The following CSMD1 variants were observed in gnomAD, a reference collection of about 807,000 sequenced individuals.
CSMD1 encodes CUB and Sushi multiple domains 1.
A neutral mutation model predicts 417.5 loss-of-function variants in CSMD1; 213 were observed. The ratio of observed to expected loss-of-function variants is 0.51; its 90% CI spans 0.46 to 0.57. The LOEUF (loss-of-function observed/expected upper bound fraction) is 0.57. Among genes scored for constraint, CSMD1 ranks in the 20% least tolerant of loss-of-function variants. The probability of loss-of-function intolerance (pLI) is 0.00; values close to 1 mark genes in which losing one functional copy is unlikely to be tolerated. For synonymous variants in CSMD1, 2,862 were observed against 1,736.8 expected, an observed-to-expected ratio of 1.65 and a Z score of -16.11; for missense variants, 6,923 against 4,529.7, an observed-to-expected ratio of 1.53 and a Z score of -15.17.
chr8:4,145,731 C>T (rs1804072211), intron 3 of CSMD1, among the ~76,000 whole-genome samples: 1 of 150,904 alleles, frequency 6.6e-6, no homozygotes, highest in Non-Finnish European at 1.5e-5. Flanking sequence ...TTGACTTGTC[C>T]CAAGGAACCA....
intron 1 of CSMD1, among the ~76,000 whole-genome samples, chr8:4,938,191 GTTGAC>G (rs1250475980): frequency 6.6e-6 from 1 of 152,144 alleles, no homozygotes; most frequent in East Asian, 1.9e-4. Flanking sequence ...AGTCAGAACT[GTTGAC>G]TTTGAGCTAC....
At chr8:4,960,800 A>G (rs532852981) in intron 1 of CSMD1, among the ~76,000 whole-genome samples, 1 of 152,326 alleles carries the variant, frequency 6.6e-6, no homozygotes, top group Non-Finnish European at 1.5e-5. Context: ...ATCATCTGTT[A>G]TAAAATGGTA....
chr8:3,604,324 A>C (rs1801502045), intron 8 of CSMD1, among the ~76,000 whole-genome samples: 1 of 152,208 alleles, frequency 6.6e-6, no homozygotes. Flanking sequence ...GGTCCATTTC[A>C]GATTGTGTGG....
intron 5 of CSMD1, among the ~76,000 whole-genome samples, chr8:3,981,515 A>AAAAAAAAAAAAC (rs1813866165): frequency 6.7e-6 from 1 of 148,412 alleles, no homozygotes; most frequent in Non-Finnish European, 1.5e-5. Context: ...AAAAAAAAAA[A>AAAAAAAAAAAAC]AAAAAAAAAA....
At chr8:4,460,615 A>G (rs1749122773) in intron 2 of CSMD1, among the ~76,000 whole-genome samples, 1 of 152,170 alleles carries the variant, frequency 6.6e-6, no homozygotes, top group African/African-American at 2.4e-5. Flanking sequence ...ATGGGGGAAA[A>G]AAAGGTAGAG....
At chr8:4,786,961 A>G (rs1797431354) in intron 1 of CSMD1, among the ~76,000 whole-genome samples, 1 of 152,216 alleles carries the variant, frequency 6.6e-6, no homozygotes, top group Admixed American at 6.5e-5. Flanking sequence ...TTTTTAAGGC[A>G]ATATTGTTGG....
chr8:4,056,619 T>G (rs1333251103), intron 3 of CSMD1, among the ~76,000 whole-genome samples: 1 of 152,058 alleles, frequency 6.6e-6, no homozygotes, highest in Non-Finnish European at 1.5e-5. Context: ...TGTGCCATGC[T>G]GGGGTCCTGC....
intron 26 of CSMD1, among the ~76,000 whole-genome samples, chr8:3,258,345 C>T (rs1432636020): frequency 6.6e-6 from 1 of 152,100 alleles, no homozygotes; most frequent in Non-Finnish European, 1.5e-5. Context: ...TGGAAAAAAG[C>T]TCACCATCAC....
At chr8:3,656,126 C>G (rs1798090661) in intron 7 of CSMD1, among the ~76,000 whole-genome samples, 1 of 152,266 alleles carries the variant, frequency 6.6e-6, no homozygotes, top group Non-Finnish European at 1.5e-5. Flanking sequence ...GCGCAGTGAA[C>G]TCATTGGGGC....
chr8:3,556,372 T>G (rs1294564021), intron 10 of CSMD1, among the ~76,000 whole-genome samples: 1 of 131,692 alleles, frequency 7.6e-6, no homozygotes, highest in Non-Finnish European at 1.6e-5. Context: ...CCACAAAGAT[T>G]TTTAAAATTT....
chr8:3,055,123 T>A (rs1320704316), intron 49 of CSMD1, among the ~76,000 whole-genome samples: 1 of 152,168 alleles, frequency 6.6e-6, no homozygotes, highest in Non-Finnish European at 1.5e-5. Context: ...AGAAATGACA[T>A]TTTTCTATCG....
At chr8:3,271,507 G>C (rs1248209297) in intron 26 of CSMD1, among the ~76,000 whole-genome samples, 1 of 147,354 alleles carries the variant, frequency 6.8e-6, no homozygotes, top group Non-Finnish European at 1.5e-5. Flanking sequence ...TGTCCACACT[G>C]ACTTCCACAA....
At chr8:2,983,534 T>C (rs1436361209) in intron 54 of CSMD1, among the ~76,000 whole-genome samples, 1 of 152,196 alleles carries the variant, frequency 6.6e-6, no homozygotes, top group African/African-American at 2.4e-5. Context: ...TAAAATGTAT[T>C]ACTTAACGAT....
intron 5 of CSMD1, among the ~76,000 whole-genome samples, chr8:3,885,223 CTATT>C (rs141040076): frequency 0.01 from 1,551 of 152,072 alleles, 24 homozygotes; most frequent in African/African-American, 0.036. Flanking sequence ...TTATGGGAGA[CTATT>C]TATTAGTGTT....
chr8:4,042,758 A>G (rs1236696712), intron 3 of CSMD1, among the ~76,000 whole-genome samples: 1 of 148,572 alleles, frequency 6.7e-6, no homozygotes, highest in Non-Finnish European at 1.5e-5. Flanking sequence ...GGGTAAGAAG[A>G]AAGGAGAGCA....
At chr8:4,817,538 G>A (rs73181539) in intron 1 of CSMD1, among the ~76,000 whole-genome samples, 5,489 of 152,240 alleles carry the variant, frequency 0.036, 127 homozygotes, top group Non-Finnish European at 0.039. Flanking sequence ...AGACACTACT[G>A]CATGGTTTCC....
chr8:3,703,436 TTTCATTCATTCA>T (rs199822463), intron 7 of CSMD1, among the ~76,000 whole-genome samples: 2,510 of 149,910 alleles, frequency 0.017, 69 homozygotes, highest in Admixed American at 0.076. Flanking sequence ...CTTTCTCCCT[TTTCATTCATTCA>T]TTCATTCATT....
chr8:4,189,678 T>G (rs1798898365), intron 3 of CSMD1, among the ~76,000 whole-genome samples: 3 of 152,160 alleles, frequency 2.0e-5, no homozygotes, highest in Admixed American at 6.5e-5. Flanking sequence ...GGAATGCATT[T>G]GAACGGAAAG....
intron 26 of CSMD1, among the ~76,000 whole-genome samples, chr8:3,272,178 T>A (rs1801913646): frequency 6.8e-6 from 1 of 146,914 alleles, no homozygotes; most frequent in African/African-American, 2.5e-5. Context: ...CACCATTTAT[T>A]AAATAGGGAA....
Sources: gnomAD v4.1 joint callset for allele counts (sites outside exome capture counted in the v4.1 genomes callset) on GRCh38, gnomAD v4.1.1 for gene constraint, MANE v1.5 for transcripts, NCBI Gene and HGNC (gene_info 2026-07-23, HGNC 2026-07-21) for gene names.